EVC2: variants seen among roughly 807,000 people sequenced by gnomAD.
The protein encoded by EVC2 is EvC ciliary complex subunit 2.
Under a neutral mutation model 149.3 loss-of-function variants are expected in EVC2, and 148 were observed. The ratio of observed to expected loss-of-function variants is 0.99; its 90% CI spans 0.87 to 1.14. The LOEUF (loss-of-function observed/expected upper bound fraction) is 1.14. EVC2 is among the 50% of genes most tolerant of loss of function. EVC2 has a pLI of 0.00. For synonymous variants in EVC2, 776 were observed against 649.9 expected (o/e 1.19, Z -2.95); for missense variants, 1,854 against 1,627.3 (o/e 1.14, Z -2.40).
rs1404261933 is a variant in EVC2, at chr4:5,640,394, TTGGA to T, written c.1470+116_1470+119del. On this transcript the variant is annotated intron_variant, in intron 10 of 21. Transcript: ENST00000344408. The surrounding 1 kb of genome is among the most constrained non-coding windows in gnomAD (Gnocchi z 4.6). ...GATGAATAGATGAATGAGTGGGTGG[TTGGA>T]TGGATGATGGGTAGACGGATGGAGG... The T allele has an allele frequency of 2.6e-6, 3 of 1,154,908 alleles. No homozygotes were observed. The highest frequency in any genetic ancestry group is 3.9e-6 in the Non-Finnish European group (3 of 766,198). The allele number at this position is 1,154,908 out of a possible 1,614,324, so 71.5% of individuals were successfully genotyped here.
At chr4:5,537,737 A>C in the EVC2 span, among the ~76,000 whole-genome samples, 1 of 152,146 alleles carries the variant, frequency 6.6e-6, no homozygotes, top group Non-Finnish European at 1.5e-5. Context: ...AAAATAAATC[A>C]ATTGAACTCA....
chr4:5,669,721 A>G (rs376784534), intron 7 of EVC2, among the ~76,000 whole-genome samples: 1 of 152,230 alleles, frequency 6.6e-6, no homozygotes, highest in African/African-American at 2.4e-5. Context: ...CACCTTCTAA[A>G]TCCACATCTT....
chr4:5,529,361 A>G, the EVC2 span, among the ~76,000 whole-genome samples: 1 of 152,204 alleles, frequency 6.6e-6, no homozygotes, highest in African/African-American at 2.4e-5. This position sits in a 1 kb window ranked among gnomAD's most constrained non-coding sequence, Gnocchi z 4.5. Context: ...AATAGGTGCT[A>G]TATTTACCTC....
intron 3 of EVC2, among the ~76,000 whole-genome samples, chr4:5,692,891 GA>G (rs55751791): frequency 1.5e-5 from 1 of 67,940 alleles, no homozygotes; most frequent in South Asian, 4.8e-4. Context: ...AAAAAAAAAA[GA>G]AAAAAGAAAA....
the EVC2 span, among the ~76,000 whole-genome samples, chr4:5,535,445 T>A: frequency 6.6e-6 from 1 of 152,060 alleles, no homozygotes; most frequent in African/African-American, 2.4e-5. This position sits in a 1 kb window ranked among gnomAD's most constrained non-coding sequence, Gnocchi z 4.7. Flanking sequence ...GGCTTCTGCT[T>A]TAGGGAGGCA....
intron 1 of EVC2, among the ~76,000 whole-genome samples, chr4:5,705,540 A>ATT (rs144005066): frequency 2.6e-5 from 4 of 151,506 alleles, no homozygotes; most frequent in Non-Finnish European, 5.9e-5. Context: ...CATAAATAGC[A>ATT]TTTTTTTTTG....
chr4:5,599,864 T>C (rs549300020), intron 16 of EVC2, among the ~76,000 whole-genome samples: 30 of 152,298 alleles, frequency 2.0e-4, no homozygotes, highest in African/African-American at 6.5e-4. Context: ...CTGTGGCATA[T>C]TGTATCAGGA....
intron 21 of EVC2, among the ~76,000 whole-genome samples, chr4:5,563,808 C>T (rs556349453): frequency 1.3e-5 from 2 of 152,228 alleles, no homozygotes; most frequent in African/African-American, 4.8e-5. Context: ...CACCTATGAG[C>T]CTCACTCTAA....
intron 1 of EVC2, among the ~76,000 whole-genome samples, chr4:5,698,302 G>C (rs190921385): frequency 2.0e-5 from 3 of 152,048 alleles, no homozygotes; most frequent in African/African-American, 7.2e-5. Context: ...AACAGCCTGC[G>C]AATTCCCAAG....
chr4:5,649,257 G>A (rs1335925516), intron 9 of EVC2, among the ~76,000 whole-genome samples: 1 of 152,126 alleles, frequency 6.6e-6, no homozygotes, highest in African/African-American at 2.4e-5. Context: ...CTTCAAAGAT[G>A]AACATATTTT....
chr4:5,588,060 A>G (rs922889688), intron 16 of EVC2, among the ~76,000 whole-genome samples: 2 of 152,186 alleles, frequency 1.3e-5, no homozygotes, highest in African/African-American at 4.8e-5. Context: ...CTGATTTCCT[A>G]TAACATTTCT....
rs957215383 is a variant in EVC2, at chr4:5,694,559, C to G, written c.284-58G>C. 46 of 1,603,438 alleles carry G rather than the reference C, an allele frequency of 2.9e-5. No homozygotes were observed. The African/African-American group carries it at 5.6e-4, about 20-fold the overall frequency. On this transcript the variant is annotated intron_variant, in intron 2 of 21. Coordinates refer to ENST00000344408, the MANE Select transcript of EVC2 (RefSeq NM_147127.5). ...TGCGGAAAGACAGTAAGACATAGAA[C>G]TTAACCTCTAGAGACAGACTACAGG... is the stretch of plus-strand genomic sequence containing the variant.
At chr4:5,587,093 TAA>T (rs1413168704) in intron 16 of EVC2, among the ~76,000 whole-genome samples, 2 of 152,230 alleles carry the variant, frequency 1.3e-5, no homozygotes, top group Non-Finnish European at 2.9e-5. Context: ...TTCATTGAAA[TAA>T]GTCAATCTTT....
At chr4:5,563,180 T>C in intron 21 of EVC2, 65 bp from the exon 22 acceptor site, 2 of 1,507,140 alleles carry the variant, frequency 1.3e-6, no homozygotes, top group Non-Finnish European at 1.8e-6. Flanking sequence ...GTGTTCTGAG[T>C]TCTCCAAGAG....
downstream of EVC2, among the ~76,000 whole-genome samples, chr4:5,560,213 TA>T (rs1266027225): frequency 6.6e-6 from 1 of 151,960 alleles, no homozygotes; most frequent in Non-Finnish European, 1.5e-5. This position sits in a 1 kb window ranked among gnomAD's most constrained non-coding sequence, Gnocchi z 4.1. Flanking sequence ...CTCTCATGAG[TA>T]GGCTTCTGTG....
chr4:5,681,473 G>C (rs1359352366), intron 6 of EVC2, among the ~76,000 whole-genome samples, 160 bp from the exon 7 acceptor site: 1 of 152,206 alleles, frequency 6.6e-6, no homozygotes, highest in African/African-American at 2.4e-5. Flanking sequence ...AGGAGGAAGG[G>C]GCTTTGGGGA....
intron 16 of EVC2, among the ~76,000 whole-genome samples, chr4:5,603,003 C>G (rs1003922456): frequency 1.3e-5 from 2 of 152,054 alleles, no homozygotes; most frequent in Admixed American, 6.6e-5. Flanking sequence ...TCAGCAGAAG[C>G]CTTGTAGAAT....
intron 1 of EVC2, among the ~76,000 whole-genome samples, chr4:5,700,354 G>T (rs1338221896): frequency 6.6e-6 from 1 of 152,072 alleles, no homozygotes; most frequent in Non-Finnish European, 1.5e-5. Context: ...CCATTGGATG[G>T]TGCACCGAAC....
chr4:5,649,620 T>C (rs1352211321), intron 9 of EVC2, among the ~76,000 whole-genome samples: 3 of 152,142 alleles, frequency 2.0e-5, no homozygotes, highest in Non-Finnish European at 4.4e-5. Context: ...GTCCAGAAAG[T>C]GAAGGAGGAC....
Sources: allele counts gnomAD v4.1 joint callset (sites outside exome capture counted in the v4.1 genomes callset), GRCh38; gene constraint gnomAD v4.1.1; non-coding constraint Gnocchi (gnomAD v3.1); transcripts MANE v1.5; gene names NCBI Gene and HGNC (gene_info 2026-07-23, HGNC 2026-07-21).